Variants in DNAJC3 observed in about 807,000 individuals in gnomAD.
The protein encoded by DNAJC3 is dnaJ homolog subfamily C member 3.
Under a neutral mutation model 68.6 loss-of-function variants are expected in DNAJC3, and 38 were observed. The ratio of observed to expected loss-of-function variants is 0.55; its 90% confidence interval spans 0.43 to 0.73. DNAJC3 has a LOEUF of 0.73. Among genes scored for constraint, DNAJC3 ranks in the 30% least tolerant of loss-of-function variants. DNAJC3 has a pLI of 0.00. For synonymous variants in DNAJC3, 203 were observed against 204.0 expected (o/e 1.00, Z 0.04); for missense variants, 526 against 591.9 (o/e 0.89, Z 1.16).
intron 9 of DNAJC3, among the ~76,000 whole-genome samples, chr13:95,785,376 G>A (rs2139697037): frequency 6.8e-6 from 1 of 146,326 alleles, no homozygotes; most frequent in Non-Finnish European, 1.5e-5. Flanking sequence ...GGGTGGGCAA[G>A]TAAACAGCAG....
chr13:95,775,987 TTATA>T (rs761349171), intron 9 of DNAJC3, among the ~76,000 whole-genome samples: 2 of 150,706 alleles, frequency 1.3e-5, no homozygotes, highest in Non-Finnish European at 3.0e-5. Context: ...GATACTCTTT[TTATA>T]TATATATATA....
Position 95,763,693 on chromosome 13 carries a change from G to A in DNAJC3, c.899G>A (p.Ser300Asn). ...GAATCTGTCATGAAAACAGAGCCAA[G>A]CATTGCTGAATATACAGTTCGTTCA... ...KYESVMKTEP[S>N]IAEYTVRSKE... Residue 300 changes from serine (S) to asparagine (N), a missense_variant, in exon 8 of 12, where the codon AGC becomes AAC. Ser to Asn is a conservative substitution (Grantham distance 46, BLOSUM62 1). Transcript: ENST00000602402. 1 of 1,614,012 alleles carries A rather than the reference G, an allele frequency of 6.2e-7. No individual in the cohort carries two copies. Among genetic ancestry groups the A allele is most frequent in the South Asian group, 1.1e-5 (1 of 91,074 alleles).
At chr13:95,770,370 G>A (rs1883125889) in intron 9 of DNAJC3, among the ~76,000 whole-genome samples, 1 of 152,162 alleles carries the variant, frequency 6.6e-6, no homozygotes, top group South Asian at 2.1e-4. Context: ...AATAGAGTTG[G>A]TGATATTTCT....
chr13:95,793,325 A>ACAGT lies in DNAJC3; in HGVS notation c.*2298_*2301dup, dbSNP rs1475950336. On this transcript the variant is annotated 3_prime_UTR_variant, in exon 12 of 12. Transcript: ENST00000602402. ...TTCTGGTGTCCACCCAAACGGAGAG[A>ACAGT]CAGTCACTCCTGCTTACCCTAATGT... The ACAGT allele has an allele frequency of 2.6e-5, 4 of 152,014 alleles. No homozygotes were observed. The highest frequency in any genetic ancestry group is 1.9e-4 in the East Asian group (1 of 5,174). 9.4% of individuals were successfully genotyped at this position (152,014 alleles called of 1,614,324 possible). A position where few individuals can be genotyped will look rare whatever the true frequency, so the allele number is the denominator to read the frequency against.
chr13:95,724,322 G>T (rs973690434), intron 3 of DNAJC3, among the ~76,000 whole-genome samples: 3 of 152,064 alleles, frequency 2.0e-5, no homozygotes, highest in African/African-American at 7.2e-5. Flanking sequence ...TGTATATAGG[G>T]TTAAGTGGAA....
At chr13:95,769,122 A>G (rs193182246) in intron 9 of DNAJC3, among the ~76,000 whole-genome samples, 155 of 152,276 alleles carry the variant, frequency 1.0e-3, no homozygotes, top group African/African-American at 3.4e-3. Context: ...CAAATTTAAG[A>G]TATTTGTTGA....
intron 2 of DNAJC3, among the ~76,000 whole-genome samples, chr13:95,715,041 T>G (rs1227489505): frequency 1.3e-5 from 2 of 152,156 alleles, no homozygotes; most frequent in African/African-American, 4.8e-5. Context: ...ACATGGCAAT[T>G]TATTGGTGTG....
intron 1 of DNAJC3, among the ~76,000 whole-genome samples, chr13:95,708,800 A>G (rs1033258840): frequency 6.6e-6 from 1 of 152,164 alleles, no homozygotes; most frequent in African/African-American, 2.4e-5. Context: ...GAGTTTTTTA[A>G]TGTTGCTCAC....
chr13:95,737,553 A>T (rs1320332395), intron 4 of DNAJC3, among the ~76,000 whole-genome samples: 1 of 151,794 alleles, frequency 6.6e-6, no homozygotes, highest in Non-Finnish European at 1.5e-5. Flanking sequence ...GTCTTGAGAG[A>T]GTGTATGTGT....
intron 4 of DNAJC3, among the ~76,000 whole-genome samples, chr13:95,733,609 A>G (rs949489383): frequency 6.6e-6 from 1 of 151,742 alleles, no homozygotes; most frequent in African/African-American, 2.4e-5. Flanking sequence ...CATTTTGGCC[A>G]GGCTGGTCTC....
chr13:95,786,071 G>T lies in DNAJC3; in HGVS notation c.1208G>T (p.Arg403Ile). 2 of 1,591,086 alleles carry T rather than the reference G, an allele frequency of 1.3e-6. No homozygotes were observed. The highest frequency in any genetic ancestry group is 1.7e-6 in the Non-Finnish European group (2 of 1,172,120). ...RDYYKILGVK[R>I]NAKKQEIIKA... is the part of the protein sequence containing the mutation. ...TATTATAAAATCTTGGGAGTAAAAA[G>T]GTGAATTATTAATTTAAAATTTACT... Residue 403 changes from arginine (R) to isoleucine (I), a missense_variant and splice_region_variant, in exon 10 of 12, where the codon AGA (arginine) becomes ATA (isoleucine). Physicochemically the swap from Arg to Ile is moderately conservative, Grantham distance 97 (BLOSUM62 -3). Coordinates refer to ENST00000602402, the MANE Select transcript of DNAJC3 (RefSeq NM_006260.5).
intron 4 of DNAJC3, among the ~76,000 whole-genome samples, chr13:95,726,199 A>G (rs1258906317): frequency 3.9e-5 from 6 of 152,096 alleles, no homozygotes; most frequent in African/African-American, 9.7e-5. Flanking sequence ...CAGTAATGGG[A>G]TGGTTGGGTC....
intron 4 of DNAJC3, among the ~76,000 whole-genome samples, chr13:95,728,994 T>C (rs2139646677): frequency 6.6e-6 from 1 of 152,256 alleles, no homozygotes; most frequent in African/African-American, 2.4e-5. Context: ...TCTGTCATCC[T>C]ACTCTCTAAC....
chr13:95,756,449 A>C (rs1882663994), intron 4 of DNAJC3, among the ~76,000 whole-genome samples: 1 of 152,228 alleles, frequency 6.6e-6, no homozygotes, highest in African/African-American at 2.4e-5. Flanking sequence ...CAGACAAAAT[A>C]GAATAGCTAA....
chr13:95,687,600 T>C (rs1312031452), intron 1 of DNAJC3, among the ~76,000 whole-genome samples: 4 of 152,128 alleles, frequency 2.6e-5, no homozygotes, highest in Non-Finnish European at 5.9e-5. Flanking sequence ...ATTTGGAGAA[T>C]ATAATATCGT....
intron 1 of DNAJC3, among the ~76,000 whole-genome samples, chr13:95,702,908 C>T (rs562970116): frequency 1.2e-4 from 19 of 152,342 alleles, no homozygotes; most frequent in African/African-American, 4.3e-4. Flanking sequence ...ACTACTCTTA[C>T]TCCATCACCA....
intron 2 of DNAJC3, among the ~76,000 whole-genome samples, 157 bp downstream of exon 2, chr13:95,709,494 T>C (rs1006220655): frequency 2.0e-5 from 3 of 152,126 alleles, no homozygotes; most frequent in African/African-American, 7.2e-5. Flanking sequence ...ATGGATAAAA[T>C]AAATATATAA....
At position 95,757,722 on chromosome 13, in the gene DNAJC3, C is replaced by T. The variant is rs768713250; in HGVS notation, c.472C>T (p.Arg158Cys). 8 of 1,582,878 alleles carry T rather than the reference C, an allele frequency of 5.1e-6. No homozygotes were observed. The highest frequency in any genetic ancestry group is 4.5e-5 in the East Asian group (2 of 44,306). ...LIKSDEMQRL[R>C]SQALNAFGSG... ...AAAATCTGATGAAATGCAGCGTTTG[C>T]GTTCACAAGCACTTAACGCTTTTGG... is the stretch of plus-strand genomic sequence containing the variant. Residue 158 changes from arginine to cysteine, a missense_variant, in exon 5 of 12, where the codon CGT (arginine) becomes TGT (cysteine). Transcript: ENST00000602402.
intron 4 of DNAJC3, among the ~76,000 whole-genome samples, chr13:95,754,208 G>A (rs530802507): frequency 4.6e-5 from 7 of 152,292 alleles, no homozygotes; most frequent in South Asian, 2.1e-4. Flanking sequence ...GCCAGTAAAC[G>A]ATCCGCCCCT....
Sources: gnomAD v4.1 joint callset for allele counts (sites outside exome capture counted in the v4.1 genomes callset) on GRCh38, gnomAD v4.1.1 for gene constraint, MANE v1.5 for transcripts, NCBI Gene and HGNC (gene_info 2026-07-23, HGNC 2026-07-21) for gene names.